Variants in ANO7 observed in about 807,000 individuals in gnomAD.
ANO7 encodes anoctamin-7.
A neutral mutation model predicts 115.8 loss-of-function variants in ANO7; 114 were observed. The observed-to-expected ratio is 0.98, with a 90% CI of 0.85 to 1.15. The LOEUF (loss-of-function observed/expected upper bound fraction) is 1.15, where lower values mean the gene tolerates loss of function less well. Ranked by LOEUF, ANO7 falls within the 50% of genes most tolerant of loss-of-function variation. The probability of loss-of-function intolerance (pLI) is 0.00; values close to 1 mark genes in which losing one functional copy is unlikely to be tolerated. For synonymous variants in ANO7, 550 were observed against 498.2 expected (o/e 1.10, Z -1.38); for missense variants, 1,302 against 1,201.2 (o/e 1.08, Z -1.24).
the ANO7 span, among the ~76,000 whole-genome samples, chr2:241,233,422 G>A: frequency 6.6e-6 from 1 of 152,142 alleles, no homozygotes; most frequent in Non-Finnish European, 1.5e-5. This position sits in a 1 kb window ranked among gnomAD's most constrained non-coding sequence, Gnocchi z 4.3. Context: ...GTTTGCAGCT[G>A]GGGCTGCAGA....
At position 241,218,316 on chromosome 2, in the gene ANO7, C is replaced by A. The variant is rs1364051938; in HGVS notation, c.2256C>A (p.Gly752=). 6.6e-7 allele frequency: 1 copy of A among 1,525,376 alleles called. No homozygotes were observed. The allele number at this position is 1,525,376 out of a possible 1,614,324, so 94.5% of individuals were successfully genotyped here. Residue 752 remains glycine (G), a synonymous_variant, in exon 21 of 25, where the codon GGC becomes GGA. Coordinates refer to ENST00000674324, the MANE Select transcript of ANO7 (RefSeq NM_001370694.2). The part of the protein sequence containing the change: ...YRWTRAHDLR[G]FLNFTLARAP... The stretch of plus-strand genomic sequence containing the variant: ...GGACCCGCGCCCACGACCTGCGCGG[C>A]TTCCTCAACTTCACGCTGGCGCGAG...
At chr2:241,201,087 C>T (rs185548832) in intron 6 of ANO7, among the ~76,000 whole-genome samples, 1 of 152,310 alleles carries the variant, frequency 6.6e-6, no homozygotes, top group Non-Finnish European at 1.5e-5. Context: ...TGTGAAAAGG[C>T]ATAATCGGGA....
Position 241,205,491 on chromosome 2 carries a change from T to G in ANO7, c.980+536T>G, listed in dbSNP as rs1317512532. Among the ~76,000 whole-genome samples the G allele has an allele frequency of 1.4e-5, 2 of 138,762 alleles. 1 individual carries two copies. Among genetic ancestry groups the G allele is most frequent in the East Asian group, 4.6e-4 (2 of 4,308 alleles). The allele number at this position is 138,762 out of a possible 152,430, so 91.0% of individuals were successfully genotyped here. On this transcript the variant is annotated intron_variant, in intron 10 of 24. Transcript: ENST00000674324. ...AAGAGTGCTCCAAGGCTGACACAGG[T>G]GGACAGGAGTGCTCCCAGTCTGACA... is the stretch of plus-strand genomic sequence containing the variant.
At chr2:241,209,010 G>A (rs150931401) in intron 11 of ANO7, among the ~76,000 whole-genome samples, 98 of 152,276 alleles carry the variant, frequency 6.4e-4, no homozygotes, top group African/African-American at 1.6e-3. Context: ...TTAGCCGGGC[G>A]TGGTGGCGGG....
chr2:241,222,414 G>A lies in ANO7; in HGVS notation c.2322-772G>A, dbSNP rs1344330725. On this transcript the variant is annotated intron_variant, in intron 21 of 24. Transcript: ENST00000674324. ...TGTCGTCTGGAACTCCCACTGGGCT[G>A]TGGCCTGCTTCCCCCCAAGTGTGCT... Among the ~76,000 whole-genome samples, 6 of 151,920 alleles carry A rather than the reference G, an allele frequency of 3.9e-5. No individual in the cohort carries two copies. The East Asian group carries it at 1.2e-3, about 29-fold the overall frequency.
chr2:241,195,870 G>A, intron 4 of ANO7, 25 bp downstream of exon 4: 1 of 1,614,152 alleles, frequency 6.2e-7, no homozygotes, highest in Non-Finnish European at 8.5e-7. Context: ...TCATGGGCAG[G>A]GCCCTAGGCC....
chr2:241,198,835 CATAG>C (rs916405433), intron 4 of ANO7, among the ~76,000 whole-genome samples: 9 of 152,252 alleles, frequency 5.9e-5, no homozygotes, highest in African/African-American at 1.9e-4. Context: ...CACATGTGAA[CATAG>C]ACAGTAGTGC....
the ANO7 span, chr2:241,238,611 A>G: frequency 6.9e-7 from 1 of 1,446,832 alleles, no homozygotes; most frequent in Non-Finnish European, 9.2e-7. This position sits in a 1 kb window ranked among gnomAD's most constrained non-coding sequence, Gnocchi z 4.9. Flanking sequence ...GGGAGGCGCC[A>G]CTATTAACAA....
At chr2:241,221,960 C>G (rs898509713) in intron 21 of ANO7, among the ~76,000 whole-genome samples, 4 of 152,088 alleles carry the variant, frequency 2.6e-5, no homozygotes, top group African/African-American at 9.7e-5. Flanking sequence ...GATGGCCGGG[C>G]GCGGGGGCTC....
At chr2:241,231,820 T>C in the ANO7 span, among the ~76,000 whole-genome samples, 33 of 152,108 alleles carry the variant, frequency 2.2e-4, no homozygotes, top group African/African-American at 8.0e-4. Context: ...ACAAAACACC[T>C]GTAGCCCACA....
At chr2:241,196,269 C>T in intron 4 of ANO7, 1 of 732,630 alleles carries the variant, frequency 1.4e-6, no homozygotes, top group Non-Finnish European at 1.7e-6. Flanking sequence ...CACTTAGAAT[C>T]ATTTAAGCAA....
At chr2:241,226,087 C>T (rs537405401), downstream of ANO7, among the ~76,000 whole-genome samples, 5 of 152,186 alleles carry the variant, frequency 3.3e-5, no homozygotes, top group South Asian at 4.1e-4. Flanking sequence ...CCACATCACC[C>T]GACGTGGAAG....
At chr2:241,212,490 C>T in intron 16 of ANO7, 82 bp from the exon 17 acceptor site, 1 of 1,449,498 alleles carries the variant, frequency 6.9e-7, no homozygotes, top group Non-Finnish European at 9.5e-7. Flanking sequence ...TGCAGCAGCT[C>T]TGCTGAGGCC....
At chr2:241,212,338 G>A (rs1479127246) in intron 16 of ANO7, 133 bp downstream of exon 16, 10 of 983,514 alleles carry the variant, frequency 1.0e-5, no homozygotes, top group Non-Finnish European at 1.6e-5. Flanking sequence ...ACCCAGGCAG[G>A]GGACAGGGGC....
the ANO7 span, chr2:241,234,115 T>A: frequency 1.3e-6 from 1 of 777,734 alleles, no homozygotes; most frequent in Non-Finnish European, 2.1e-6. Context: ...TGGTCCGACC[T>A]CTGCCACCTT....
At position 241,190,048 on chromosome 2, in the gene ANO7, T is replaced by C. The variant is rs1287709283; in HGVS notation, c.-7-9T>C. 1.9e-6 allele frequency: 3 copies of C among 1,561,892 alleles called. No homozygotes were observed. ...GACCCCCATCCCCACCCGGCCTTGC[T>C]GGGTGCAGGAGCAGGATGCTGCGGC... On this transcript the variant is annotated splice_polypyrimidine_tract_variant and intron_variant, in intron 1 of 24. Coordinates refer to ENST00000674324, the MANE Select transcript of ANO7 (RefSeq NM_001370694.2).
intron 3 of ANO7, among the ~76,000 whole-genome samples, chr2:241,191,662 A>C: frequency 6.6e-6 from 1 of 151,762 alleles, no homozygotes; most frequent in African/African-American, 2.4e-5. Flanking sequence ...GCTACCACCG[A>C]CTCCAGGGGA....
chr2:241,235,788 G>A, the ANO7 span, among the ~76,000 whole-genome samples: 1 of 152,202 alleles, frequency 6.6e-6, no homozygotes, highest in Non-Finnish European at 1.5e-5. Context: ...GCTAATGCTG[G>A]CAGACAGAAA....
chr2:241,237,255 G>A, the ANO7 span, among the ~76,000 whole-genome samples: 1 of 152,124 alleles, frequency 6.6e-6, no homozygotes, highest in Non-Finnish European at 1.5e-5. Flanking sequence ...AGACAGAAAG[G>A]GCAAGGCCAA....
Sources: gnomAD v4.1 joint callset for allele counts (sites outside exome capture counted in the v4.1 genomes callset) on GRCh38, gnomAD v4.1.1 for gene constraint, Gnocchi (gnomAD v3.1) non-coding constraint, MANE v1.5 for transcripts, NCBI Gene and HGNC (gene_info 2026-07-23, HGNC 2026-07-21) for gene names.